The following SPG11 variants were observed in gnomAD, a reference collection of about 807,000 sequenced individuals.
SPG11 encodes the protein SPG11 vesicle trafficking associated, spatacsin, also known as spatacsin.
Under a neutral mutation model 274.0 loss-of-function variants are expected in SPG11, and 222 were observed. That is an observed-to-expected ratio of 0.81 (90% CI 0.73 to 0.91). SPG11 has a LOEUF of 0.91. Ranked by LOEUF, SPG11 falls within the 40% of genes least tolerant of loss-of-function variation. SPG11 has a pLI of 0.00. For missense variants in SPG11, 3,114 were observed against 2,872.7 expected, an observed-to-expected ratio of 1.08 and a Z score of -1.92; for synonymous variants, 1,144 against 1,039.7, an observed-to-expected ratio of 1.10 and a Z score of -1.93.
intron 36 of SPG11, 177 bp downstream of exon 36, chr15:44,567,247 A>G (rs887811420): frequency 2.2e-5 from 13 of 585,612 alleles, no homozygotes; most frequent in Middle Eastern, 9.4e-4. Flanking sequence ...GCTACTTGGG[A>G]GGCTGAGGCG....
rs1372156068 is a variant in SPG11 at position 44,595,244 on chromosome 15, A to G, written c.4635+15T>C. The G allele has an allele frequency of 5.6e-6, 9 of 1,610,982 alleles. No individual in the cohort carries two copies. The highest frequency in any genetic ancestry group is 1.1e-5 in the South Asian group (1 of 91,004). ...TCTCTTAAGCTCTGGAAAGAAGTGA[A>G]GCAACTATCACTACCTTAAAGAAAA... On this transcript the variant is annotated intron_variant, in intron 26 of 39. Transcript: ENST00000261866.
At chr15:44,638,275 A>C (rs1049085243) in intron 7 of SPG11, among the ~76,000 whole-genome samples, 7 of 152,166 alleles carry the variant, frequency 4.6e-5, no homozygotes, top group Non-Finnish European at 1.0e-4. Context: ...CAGCCTGCCC[A>C]ACATGGTGAA....
chr15:44,577,621 A>T (rs1002126003), intron 30 of SPG11, among the ~76,000 whole-genome samples: 2 of 152,140 alleles, frequency 1.3e-5, no homozygotes, highest in African/African-American at 4.8e-5. Context: ...TTCCAATTCT[A>T]GGTAAGTTGG....
intron 27 of SPG11, chr15:44,590,733 T>C (rs2082881120): frequency 6.6e-6 from 1 of 152,202 alleles, no homozygotes; most frequent in South Asian, 2.1e-4. Context: ...TTTGGTGGAA[T>C]AGAAACTTAA....
At chr15:44,604,737 G>C (rs1331684318) in intron 20 of SPG11, among the ~76,000 whole-genome samples, 1 of 151,734 alleles carries the variant, frequency 6.6e-6, no homozygotes, top group African/African-American at 2.4e-5. Context: ...GACCATCCTG[G>C]CTAACACGGT....
chr15:44,596,956 T>A lies in SPG11; in HGVS notation c.4002-13A>T. ...TTCACTGGATAACCTATAATCAGAA[T>A]TAGAGGTGGGGGTGGTCAAGAAAAA... is the stretch of plus-strand genomic sequence containing the variant. On this transcript the variant is annotated splice_polypyrimidine_tract_variant and intron_variant, in intron 23 of 39. Transcript: ENST00000261866. 1 of 1,613,690 alleles carries A rather than the reference T, an allele frequency of 6.2e-7. No individual in the cohort carries two copies. Among genetic ancestry groups the A allele is most frequent in the Non-Finnish European group, 8.5e-7 (1 of 1,179,984 alleles).
At chr15:44,660,955 G>A (rs1008793916) in intron 1 of SPG11, among the ~76,000 whole-genome samples, 2 of 152,064 alleles carry the variant, frequency 1.3e-5, no homozygotes, top group Non-Finnish European at 2.9e-5. Context: ...AACAAAATAT[G>A]TATATTATTT....
At chr15:44,565,158 C>T in intron 38 of SPG11, among the ~76,000 whole-genome samples, 1 of 152,248 alleles carries the variant, frequency 6.6e-6, no homozygotes, top group East Asian at 1.9e-4. Flanking sequence ...CTTTAAAGGG[C>T]TAGAACCAAT....
chr15:44,583,991 C>CT lies in SPG11; in HGVS notation c.5688dup (p.Val1897SerfsTer9). 6.2e-7 allele frequency: 1 copy of CT among 1,614,220 alleles called. No homozygotes were observed. Among genetic ancestry groups the CT allele is most frequent in the East Asian group, 2.2e-5 (1 of 44,892 alleles). ...TTATAAAAATGAAAATACCGGCATA[C>CT]TCTACTTGCTTCATGCACACAGCCA... On this transcript the variant is annotated frameshift_variant, in exon 30 of 40. Transcript: ENST00000261866. LOFTEE classifies it high-confidence loss of function.
Position 44,598,741 on chromosome 15 carries a change from A to G in SPG11, c.3782T>C (p.Leu1261Pro). Residue 1261 changes from leucine (L) to proline (P), a missense_variant, in exon 22 of 40, where the codon CTT becomes CCT. Transcript: ENST00000261866. ...TCTGAGCTTGAGGCTGTCAAGGCCA[A>G]GCAATTCTAAGAAACAAACACATGC... Reference protein sequence around the residue: ...GAACVCFLELLGLDSLKLRVD... With the variant: ...GAACVCFLELPGLDSLKLRVD... 6.2e-7 allele frequency: 1 copy of G among 1,614,246 alleles called. No individual in the cohort carries two copies. Among genetic ancestry groups the G allele is most frequent in the Non-Finnish European group, 8.5e-7 (1 of 1,180,046 alleles).
intron 19 of SPG11, among the ~76,000 whole-genome samples, chr15:44,608,024 A>G (rs1014341459): frequency 3.9e-5 from 6 of 152,172 alleles, no homozygotes; most frequent in Non-Finnish European, 8.8e-5. Context: ...TTCGGCTACC[A>G]GATACATATA....
intron 8 of SPG11, among the ~76,000 whole-genome samples, chr15:44,630,002 C>T (rs568062448): frequency 4.6e-5 from 7 of 151,960 alleles, no homozygotes; most frequent in Non-Finnish European, 7.4e-5. Context: ...ACCCGGGAGG[C>T]GGAGGTTGCA....
At chr15:44,623,855 G>A (rs967457334) in intron 11 of SPG11, among the ~76,000 whole-genome samples, 1 of 151,948 alleles carries the variant, frequency 6.6e-6, no homozygotes, top group African/African-American at 2.4e-5. Flanking sequence ...CTGCCTCCCG[G>A]GTTCAAATGA....
intron 6 of SPG11, among the ~76,000 whole-genome samples, chr15:44,650,624 TA>T (rs201279968): frequency 0.039 from 4,931 of 125,560 alleles, 267 homozygotes; most frequent in African/African-American, 0.13. Context: ...ACACTCTGCC[TA>T]AAAAAAAAAA....
At chr15:44,581,391 GTGACGGGGTTTTGCCA>G (rs2082656688) in intron 30 of SPG11, among the ~76,000 whole-genome samples, 1 of 151,876 alleles carries the variant, frequency 6.6e-6, no homozygotes, top group South Asian at 2.1e-4. Flanking sequence ...ATTTTTTGTA[GTGACGGGGTTTTGCCA>G]TGTTGCCCAG....
chr15:44,663,643 GC>G lies in SPG11; in HGVS notation c.4del (p.Ala2LeufsTer56). The G allele has an allele frequency of 6.3e-7, 1 of 1,592,946 alleles. No homozygotes were observed. Among genetic ancestry groups the G allele is most frequent in the Non-Finnish European group, 8.5e-7 (1 of 1,175,864 alleles). On this transcript the variant is annotated frameshift_variant, in exon 1 of 40. Transcript: ENST00000261866. LOFTEE classifies it high-confidence loss of function. M[A>X]AEEGVASAAS... ...AGCACTCGCGACCCCTTCCTCTGCA[GC>G]CATCTTGGCCCGGCGGTTACTTCCG...
intron 7 of SPG11, among the ~76,000 whole-genome samples, chr15:44,646,226 A>G (rs2084606060): frequency 6.6e-6 from 1 of 152,224 alleles, no homozygotes; most frequent in South Asian, 2.1e-4. Context: ...ATATGGAATC[A>G]ACCTAAATGC....
chr15:44,565,780 C>T lies in SPG11; in HGVS notation c.6999+74G>A. The T allele has an allele frequency of 5.0e-6, 8 of 1,586,926 alleles. No homozygotes were observed. The South Asian group carries it at 7.9e-5, about 16-fold the overall frequency. On this transcript the variant is annotated intron_variant, in intron 38 of 39. Coordinates refer to ENST00000261866, the MANE Select transcript of SPG11 (RefSeq NM_025137.4). The stretch of plus-strand genomic sequence containing the variant: ...TCTGTCACTAGCCCTGAGACCTTAC[C>T]TCTGGGTTCCATGAGTGGGACAGAA...
intron 7 of SPG11, among the ~76,000 whole-genome samples, chr15:44,644,948 C>G (rs1394081172): frequency 6.6e-6 from 1 of 152,086 alleles, no homozygotes; most frequent in African/African-American, 2.4e-5. Context: ...GGAAAAACAT[C>G]CCATGCTCAT....
Sources: allele counts gnomAD v4.1 joint callset (sites outside exome capture counted in the v4.1 genomes callset), GRCh38; gene constraint gnomAD v4.1.1; transcripts MANE v1.5; gene names NCBI Gene and HGNC (gene_info 2026-07-23, HGNC 2026-07-21).